Variants in FGF12 observed in about 807,000 individuals in gnomAD.
The protein encoded by FGF12 is fibroblast growth factor 12.
In FGF12, 14 loss-of-function variants were observed where a neutral mutation model predicts 23.6. The ratio of observed to expected loss-of-function variants is 0.59; its 90% confidence interval spans 0.39 to 0.93. The LOEUF (loss-of-function observed/expected upper bound fraction) is 0.93. Among genes scored for constraint, FGF12 ranks in the 40% least tolerant of loss-of-function variants. The pLI is 0.00. For synonymous variants in FGF12, 62 were observed against 77.3 expected, an observed-to-expected ratio of 0.80 and a Z score of 1.04; for missense variants, 175 against 217.8, an observed-to-expected ratio of 0.80 and a Z score of 1.24.
chr3:192,412,444 C>A (rs540112322), intron 2 of FGF12, among the ~76,000 whole-genome samples: 1 of 152,320 alleles, frequency 6.6e-6, no homozygotes, highest in Admixed American at 6.5e-5. Flanking sequence ...AAGAACAGAA[C>A]AAAAACAATG....
At chr3:192,492,160 A>G (rs1272976493) in intron 2 of FGF12, among the ~76,000 whole-genome samples, 1 of 152,196 alleles carries the variant, frequency 6.6e-6, no homozygotes, top group Non-Finnish European at 1.5e-5. Context: ...TACATATCTA[A>G]TGAGAATAAA....
At chr3:192,243,854 A>C (rs995597817) in intron 4 of FGF12, among the ~76,000 whole-genome samples, 10 of 152,200 alleles carry the variant, frequency 6.6e-5, no homozygotes, top group African/African-American at 2.2e-4. Flanking sequence ...TCCGAATATA[A>C]AAGGGTTCCT....
chr3:192,560,352 TAATA>T (rs1711968385), intron 2 of FGF12, among the ~76,000 whole-genome samples: 1 of 151,266 alleles, frequency 6.6e-6, no homozygotes, highest in East Asian at 1.9e-4. Context: ...AATAAAAAAA[TAATA>T]AAGAGCAAAA....
chr3:192,244,102 G>A (rs78828395), intron 4 of FGF12, among the ~76,000 whole-genome samples: 2,950 of 152,146 alleles, frequency 0.019, 46 homozygotes, highest in East Asian at 0.045. Context: ...TGGCACTGTC[G>A]TGTCATATAT....
chr3:192,545,231 C>T (rs1215214056), intron 2 of FGF12, among the ~76,000 whole-genome samples: 2 of 152,126 alleles, frequency 1.3e-5, no homozygotes, highest in African/African-American at 4.8e-5. Flanking sequence ...ACTCTGGCCC[C>T]CAAAACTACT....
At chr3:192,599,235 C>T (rs1175948254) in intron 2 of FGF12, among the ~76,000 whole-genome samples, 2 of 124,694 alleles carry the variant, frequency 1.6e-5, no homozygotes, top group Non-Finnish European at 3.2e-5. Flanking sequence ...ATTCTGCACA[C>T]GTACCCCAGA....
At chr3:192,236,302 C>T (rs942433746) in intron 4 of FGF12, among the ~76,000 whole-genome samples, 10 of 152,050 alleles carry the variant, frequency 6.6e-5, no homozygotes, top group Non-Finnish European at 1.3e-4. Context: ...TAAGTGTAAG[C>T]GCCATGTGCT....
At chr3:192,510,594 C>T (rs546025971) in intron 2 of FGF12, among the ~76,000 whole-genome samples, 5 of 152,304 alleles carry the variant, frequency 3.3e-5, no homozygotes, top group African/African-American at 1.2e-4. Flanking sequence ...TGTTGCTATA[C>T]AATCCAATAG....
intron 2 of FGF12, among the ~76,000 whole-genome samples, chr3:192,499,928 A>G (rs1393128403): frequency 6.6e-6 from 1 of 152,114 alleles, no homozygotes; most frequent in Non-Finnish European, 1.5e-5. Flanking sequence ...TTCATTAGAA[A>G]GTTACAACCC....
chr3:192,296,938 A>G (rs905533946), intron 4 of FGF12, among the ~76,000 whole-genome samples: 5 of 152,208 alleles, frequency 3.3e-5, no homozygotes, highest in African/African-American at 9.6e-5. Context: ...CTTACATGCA[A>G]GTTTACAAAA....
At chr3:192,318,274 C>T (rs1716335010) in intron 4 of FGF12, among the ~76,000 whole-genome samples, 1 of 152,058 alleles carries the variant, frequency 6.6e-6, no homozygotes, top group South Asian at 2.1e-4. Context: ...AGGGACCAAT[C>T]CCAGAGAGAT....
At chr3:192,255,210 T>C (rs926186964) in intron 4 of FGF12, among the ~76,000 whole-genome samples, 3 of 152,070 alleles carry the variant, frequency 2.0e-5, no homozygotes, top group African/African-American at 7.2e-5. Flanking sequence ...TTGTATCAAA[T>C]AGCTGAGCAC....
intron 2 of FGF12, among the ~76,000 whole-genome samples, chr3:192,623,161 T>TGTTCAC (rs1362505415): frequency 6.6e-6 from 1 of 152,126 alleles, no homozygotes; most frequent in Non-Finnish European, 1.5e-5. Context: ...GTCCTCTGTT[T>TGTTCAC]GTTCATGTTC....
chr3:192,379,198 T>C (rs1560092372), intron 2 of FGF12, among the ~76,000 whole-genome samples: 1 of 152,188 alleles, frequency 6.6e-6, no homozygotes, highest in Non-Finnish European at 1.5e-5. Context: ...CTATTGTGAA[T>C]TGCAAAAGCA....
chr3:192,373,912 C>A (rs1398937577), intron 2 of FGF12, among the ~76,000 whole-genome samples: 1 of 152,210 alleles, frequency 6.6e-6, no homozygotes, highest in African/African-American at 2.4e-5. Flanking sequence ...GGATTCAATA[C>A]AGCAAGGATT....
chr3:192,287,767 G>A (rs556993513), intron 4 of FGF12, among the ~76,000 whole-genome samples: 1 of 151,938 alleles, frequency 6.6e-6, no homozygotes, highest in Non-Finnish European at 1.5e-5. Context: ...AGGTTGACAC[G>A]GCATCTGGAT....
chr3:192,578,449 TTAAGA>T (rs2108611989), intron 2 of FGF12, among the ~76,000 whole-genome samples: 1 of 152,294 alleles, frequency 6.6e-6, no homozygotes, highest in Admixed American at 6.5e-5. Flanking sequence ...TTACTGTCTT[TTAAGA>T]TAAAACAACA....
At chr3:192,287,655 A>C (rs1387935340) in intron 4 of FGF12, among the ~76,000 whole-genome samples, 3 of 152,040 alleles carry the variant, frequency 2.0e-5, no homozygotes, top group Admixed American at 6.6e-5. Context: ...AGTGACTCTG[A>C]GAATGTAAAT....
intron 2 of FGF12, among the ~76,000 whole-genome samples, chr3:192,671,776 A>AACAC (rs3044660): frequency 2.0e-4 from 30 of 149,474 alleles, no homozygotes; most frequent in South Asian, 1.3e-3. Flanking sequence ...CTTCTTGACC[A>AACAC]ACACACACAC....
Sources: gnomAD v4.1 joint callset for allele counts (sites outside exome capture counted in the v4.1 genomes callset) on GRCh38, gnomAD v4.1.1 for gene constraint, MANE v1.5 for transcripts, NCBI Gene and HGNC (gene_info 2026-07-23, HGNC 2026-07-21) for gene names.